The following FYB1 variants were observed in gnomAD, a reference collection of about 807,000 sequenced individuals.
FYB1 encodes FYN binding protein 1.
In FYB1, 41 loss-of-function variants were observed where a neutral mutation model predicts 94.1. That is an observed-to-expected ratio of 0.44 (90% CI 0.34 to 0.57). FYB1 has a LOEUF of 0.57. FYB1 is among the 20% of genes least tolerant of loss of function. The pLI is 0.02. For synonymous variants in FYB1, 367 were observed against 353.2 expected (o/e 1.04, Z -0.44); for missense variants, 1,050 against 976.8 (o/e 1.07, Z -1.00).
At position 39,115,356 on chromosome 5, in the gene FYB1, A is replaced by G. The variant is rs1236989471; in HGVS notation, c.2401+3518T>C. Among the ~76,000 whole-genome samples, 3 of 152,068 alleles carry G rather than the reference A, an allele frequency of 2.0e-5. No homozygotes were observed. In the East Asian group the frequency reaches 5.8e-4, roughly 29 times the overall value. On this transcript the variant is annotated intron_variant, in intron 16 of 18. Coordinates refer to ENST00000512982, the MANE Select transcript of FYB1 (RefSeq NM_001465.6). ...GTGATCCGCCCACCTCCGCCTCCCAAAGTCCTGGGATTACAGGCATGAGCT... is the reference window on the plus strand; with the variant it reads ...GTGATCCGCCCACCTCCGCCTCCCAGAGTCCTGGGATTACAGGCATGAGCT...
intron 2 of FYB1, among the ~76,000 whole-genome samples, chr5:39,173,714 C>T (rs987570160): frequency 3.3e-5 from 5 of 151,736 alleles, no homozygotes; most frequent in Non-Finnish European, 7.4e-5. Context: ...TTCTCCATTG[C>T]TTATTTTTGT....
intron 2 of FYB1, among the ~76,000 whole-genome samples, chr5:39,153,844 G>T (rs1377405460): frequency 6.6e-6 from 1 of 152,124 alleles, no homozygotes; most frequent in East Asian, 1.9e-4. Context: ...CTCCATCATG[G>T]TTCACTGTAA....
At chr5:39,217,354 C>A (rs893610226) in intron 1 of FYB1, among the ~76,000 whole-genome samples, 14 of 152,166 alleles carry the variant, frequency 9.2e-5, no homozygotes, top group African/African-American at 2.9e-4. Flanking sequence ...AGGGATCTGT[C>A]CAGGTTCACA....
chr5:39,273,529 A>G (rs944240327), intron 1 of FYB1, among the ~76,000 whole-genome samples: 2 of 152,228 alleles, frequency 1.3e-5, no homozygotes, highest in African/African-American at 4.8e-5. Context: ...GATGACAGAG[A>G]GCATAGTGAT....
intron 14 of FYB1, among the ~76,000 whole-genome samples, chr5:39,122,111 G>A (rs1426448731): frequency 6.6e-6 from 1 of 151,984 alleles, no homozygotes; most frequent in Non-Finnish European, 1.5e-5. Context: ...AGAGAATGAG[G>A]GGAGGAAGGG....
At chr5:39,255,174 C>A (rs1218453886) in intron 1 of FYB1, among the ~76,000 whole-genome samples, 2 of 152,078 alleles carry the variant, frequency 1.3e-5, no homozygotes, top group African/African-American at 4.8e-5. Flanking sequence ...GTGGATATTT[C>A]ATTTGGTGGA....
Position 39,125,997 on chromosome 5 carries a change from C to G in FYB1, c.2045+1G>C. 6.2e-7 allele frequency: 1 copy of G among 1,612,824 alleles called. No homozygotes were observed. Among genetic ancestry groups the G allele is most frequent in the Non-Finnish European group, 8.5e-7 (1 of 1,179,336 alleles). On this transcript the variant is annotated splice_donor_variant, in intron 12 of 18. Transcript: ENST00000512982. LOFTEE classifies it high-confidence loss of function. ...ACTGGATTTGGTTGGTTGACTCTTA[C>G]GATGAACCTTCATTATTGTCTGAGT...
chr5:39,234,140 GC>G (rs1750860169), intron 1 of FYB1, among the ~76,000 whole-genome samples: 2 of 151,986 alleles, frequency 1.3e-5, no homozygotes, highest in South Asian at 4.1e-4. Flanking sequence ...CATATTCACT[GC>G]CCCATCACCA....
intron 2 of FYB1, among the ~76,000 whole-genome samples, chr5:39,159,976 C>G (rs1352442250): frequency 6.6e-6 from 1 of 152,160 alleles, no homozygotes; most frequent in Admixed American, 6.5e-5. Context: ...TAGATACCAG[C>G]TGATTTTGTT....
At chr5:39,172,362 C>G (rs769867224) in intron 2 of FYB1, among the ~76,000 whole-genome samples, 37 of 152,054 alleles carry the variant, frequency 2.4e-4, no homozygotes, top group Non-Finnish European at 4.4e-4. Flanking sequence ...AGGAGAATCA[C>G]TTGAACCTGA....
chr5:39,132,414 T>G (rs1212949432), intron 9 of FYB1, among the ~76,000 whole-genome samples: 2 of 152,226 alleles, frequency 1.3e-5, no homozygotes, highest in Non-Finnish European at 2.9e-5. Context: ...TCTTTAATTT[T>G]CTTAGTAAGG....
intron 2 of FYB1, among the ~76,000 whole-genome samples, chr5:39,165,014 A>G (rs1195738048): frequency 6.6e-6 from 1 of 152,254 alleles, no homozygotes; most frequent in African/African-American, 2.4e-5. Flanking sequence ...ACTATGACTC[A>G]GTAAACCTGT....
At chr5:39,141,430 A>C (rs1311650651) in intron 3 of FYB1, among the ~76,000 whole-genome samples, 2 of 152,148 alleles carry the variant, frequency 1.3e-5, no homozygotes, top group African/African-American at 4.8e-5. Context: ...ATTAGTAGTA[A>C]ATCAACACTT....
In FYB1 at chr5:39,125,986, G is replaced by A. The variant is rs779881721; in HGVS notation, c.2045+12C>T. 4 of 1,612,326 alleles carry A rather than the reference G, an allele frequency of 2.5e-6. No homozygotes were observed. The highest frequency in any genetic ancestry group is 2.2e-5 in the South Asian group (2 of 90,996). ...AGTTATTGTACACTGGATTTGGTTG[G>A]TTGACTCTTACGATGAACCTTCATT... On this transcript the variant is annotated intron_variant, in intron 12 of 18. Coordinates refer to ENST00000512982, the MANE Select transcript of FYB1 (RefSeq NM_001465.6).
At position 39,188,848 on chromosome 5, in the gene FYB1, T is replaced by A. The variant is rs78580404; in HGVS notation, c.1135+12978A>T. Reference sequence around the variant, plus strand: ...GCGCCCGTCTGACTACAGTACTTTTTAATGTGATCCAGGAACACCTTGCAT... The same window carrying A: ...GCGCCCGTCTGACTACAGTACTTTTAAATGTGATCCAGGAACACCTTGCAT... On this transcript the variant is annotated intron_variant, in intron 2 of 18. Transcript: ENST00000512982. Among the ~76,000 whole-genome samples the A allele has an allele frequency of 1.3e-3, 197 of 152,288 alleles. 1 individual carries two copies. The highest frequency in any genetic ancestry group is 4.5e-3 in the African/African-American group (186 of 41,550).
intron 2 of FYB1, among the ~76,000 whole-genome samples, chr5:39,186,716 C>T (rs1409597599): frequency 8.1e-6 from 1 of 122,844 alleles, no homozygotes; most frequent in African/African-American, 3.1e-5. Flanking sequence ...TATTATTCAT[C>T]TATTTCCATT....
chr5:39,138,109 G>A (rs533757648), intron 6 of FYB1: 1 of 201,154 alleles, frequency 5.0e-6, no homozygotes, highest in African/African-American at 2.4e-5. Context: ...AGAATTGGTT[G>A]AATAAACACT....
chr5:39,208,845 C>A (rs374861397), intron 1 of FYB1: 36 of 152,160 alleles, frequency 2.4e-4, no homozygotes, highest in African/African-American at 8.2e-4. Flanking sequence ...ATGTTCTCCC[C>A]TAAGCTGGAG....
At position 39,130,050 on chromosome 5, in the gene FYB1, G is replaced by T. The variant is rs144469792; in HGVS notation, c.1840+540C>A. On this transcript the variant is annotated intron_variant, in intron 10 of 18. Coordinates refer to ENST00000512982, the MANE Select transcript of FYB1 (RefSeq NM_001465.6). ...TGGATAAAGAAAATTTTGTCTATAC[G>T]CAATGAAATACTATTTGGTCATAAA... 3.0e-3 allele frequency among the ~76,000 whole-genome samples: 460 copies of T among 151,130 alleles called. 3 individuals are homozygous for T. Among genetic ancestry groups the T allele is most frequent in the African/African-American group, 0.011 (439 of 41,216 alleles).
Sources: allele counts gnomAD v4.1 joint callset (sites outside exome capture counted in the v4.1 genomes callset), GRCh38; gene constraint gnomAD v4.1.1; transcripts MANE v1.5; gene names NCBI Gene and HGNC (gene_info 2026-07-23, HGNC 2026-07-21).